CAPZB: variants seen among roughly 807,000 people sequenced by gnomAD.
CAPZB encodes F-actin-capping protein subunit beta.
CAPZB carries 2 observed loss-of-function variants against 38.1 expected under a neutral mutation model. The ratio of observed to expected loss-of-function variants is 0.05; its 90% CI spans 0.02 to 0.17. CAPZB has a LOEUF of 0.17. Ranked by LOEUF, CAPZB falls within the 10% of genes least tolerant of loss-of-function variation. CAPZB has a pLI of 1.00. For missense variants in CAPZB, 161 were observed against 334.2 expected, an observed-to-expected ratio of 0.48 and a Z score of 4.04; for synonymous variants, 107 against 127.4, an observed-to-expected ratio of 0.84 and a Z score of 1.08.
intron 1 of CAPZB, among the ~76,000 whole-genome samples, chr1:19,448,461 A>G (rs1360336194): frequency 6.6e-6 from 1 of 152,262 alleles, no homozygotes; most frequent in East Asian, 1.9e-4. Flanking sequence ...CAAAGCCCAG[A>G]GGTAAAAACT....
chr1:19,368,579 G>A (rs1450486881), intron 4 of CAPZB, among the ~76,000 whole-genome samples: 7 of 150,800 alleles, frequency 4.6e-5, no homozygotes, highest in African/African-American at 9.8e-5. Context: ...GACATGCCCC[G>A]AGCACCCTGT....
chr1:19,427,162 T>C (rs2094425953), intron 1 of CAPZB, among the ~76,000 whole-genome samples: 1 of 152,220 alleles, frequency 6.6e-6, no homozygotes, highest in Non-Finnish European at 1.5e-5. Context: ...AAACCCACTG[T>C]TTTTAATTTC....
intron 8 of CAPZB, among the ~76,000 whole-genome samples, chr1:19,341,936 C>T (rs1341360583): frequency 6.6e-6 from 1 of 152,234 alleles, no homozygotes; most frequent in Non-Finnish European, 1.5e-5. Context: ...GACCTGGGCT[C>T]TGCAGCCCCA....
chr1:19,344,160 C>T (rs778222469), intron 8 of CAPZB, among the ~76,000 whole-genome samples, 198 bp downstream of exon 8: 3 of 152,118 alleles, frequency 2.0e-5, no homozygotes, highest in African/African-American at 7.2e-5. Flanking sequence ...AGATAGGGAC[C>T]GACAGCTGCT....
chr1:19,474,592 A>G (rs2094600502), intron 1 of CAPZB, among the ~76,000 whole-genome samples: 1 of 152,204 alleles, frequency 6.6e-6, no homozygotes, highest in Non-Finnish European at 1.5e-5. Context: ...TTAAAATGAA[A>G]TATCAAACCC....
intron 1 of CAPZB, among the ~76,000 whole-genome samples, chr1:19,455,042 C>G (rs1173522283): frequency 6.6e-6 from 1 of 152,216 alleles, no homozygotes; most frequent in Non-Finnish European, 1.5e-5. Flanking sequence ...TCCAAGCAGC[C>G]AGGATGCGGA....
At chr1:19,453,540 C>G (rs879635268) in intron 1 of CAPZB, among the ~76,000 whole-genome samples, 10 of 152,210 alleles carry the variant, frequency 6.6e-5, no homozygotes, top group Admixed American at 5.2e-4. Context: ...TGACTACAGG[C>G]GTGAGCCACT....
At chr1:19,360,929 G>A (rs1358058160) in intron 4 of CAPZB, among the ~76,000 whole-genome samples, 3 of 152,116 alleles carry the variant, frequency 2.0e-5, no homozygotes, top group Non-Finnish European at 2.9e-5. Context: ...TTTAAAAAAG[G>A]AAATCTGAAA....
intron 8 of CAPZB, among the ~76,000 whole-genome samples, chr1:19,340,636 A>T (rs1399440002): frequency 6.6e-6 from 1 of 152,208 alleles, no homozygotes; most frequent in Non-Finnish European, 1.5e-5. Flanking sequence ...GTTCAAGACC[A>T]GCCTGGGCAA....
chr1:19,449,538 G>A (rs536366325), intron 1 of CAPZB, among the ~76,000 whole-genome samples: 2 of 152,096 alleles, frequency 1.3e-5, no homozygotes, highest in Admixed American at 1.3e-4. Context: ...CTGTAATCTC[G>A]GCACTTTGGG....
intron 6 of CAPZB, among the ~76,000 whole-genome samples, chr1:19,346,468 A>AG (rs1340790461): frequency 4.3e-5 from 6 of 138,918 alleles, no homozygotes; most frequent in East Asian, 1.9e-4. Context: ...AAAAAAAAAA[A>AG]AAAAAAAAAA....
chr1:19,437,092 A>C (rs1311297001), intron 1 of CAPZB, among the ~76,000 whole-genome samples: 1 of 152,252 alleles, frequency 6.6e-6, no homozygotes, highest in African/African-American at 2.4e-5. Context: ...TTCTTTAGGA[A>C]GCCAAATGCT....
chr1:19,400,218 C>T (rs2100347813), intron 2 of CAPZB, among the ~76,000 whole-genome samples: 1 of 152,010 alleles, frequency 6.6e-6, no homozygotes, highest in East Asian at 1.9e-4. Flanking sequence ...CTACCCATGG[C>T]ACAGGTCTTC....
At chr1:19,366,043 T>G (rs2094082718) in intron 4 of CAPZB, among the ~76,000 whole-genome samples, 1 of 135,500 alleles carries the variant, frequency 7.4e-6, no homozygotes. Flanking sequence ...AGCTCCAACA[T>G]GTAAGATTCC....
intron 1 of CAPZB, among the ~76,000 whole-genome samples, chr1:19,447,618 T>C (rs1272621662): frequency 6.6e-6 from 1 of 152,102 alleles, no homozygotes; most frequent in Non-Finnish European, 1.5e-5. Flanking sequence ...CTAAGAGTGT[T>C]GTGTGCATGC....
chr1:19,346,490 G>C (rs2093961698), intron 6 of CAPZB, among the ~76,000 whole-genome samples: 1 of 143,846 alleles, frequency 7.0e-6, no homozygotes, highest in Non-Finnish European at 1.5e-5. Flanking sequence ...AAAGGGTAGA[G>C]TTCAAAATGA....
intron 4 of CAPZB, among the ~76,000 whole-genome samples, chr1:19,358,203 T>C (rs954053042): frequency 6.6e-6 from 1 of 152,244 alleles, no homozygotes; most frequent in African/African-American, 2.4e-5. Flanking sequence ...AGTGGCACCA[T>C]CTCGGCTCAC....
rs1423799599 is a variant in CAPZB, at chr1:19,356,106, C to T, written c.588+529G>A. Among the ~76,000 whole-genome samples the T allele has an allele frequency of 1.3e-5, 2 of 152,128 alleles. No homozygotes were observed. The highest frequency in any genetic ancestry group is 2.9e-5 in the Non-Finnish European group (2 of 68,024). On this transcript the variant is annotated intron_variant, in intron 6 of 8. Coordinates refer to ENST00000264202, the MANE Select transcript of CAPZB (RefSeq NM_004930.5). This position sits in a 1 kb window ranked among gnomAD's most constrained non-coding sequence, Gnocchi z 4.3. The stretch of plus-strand genomic sequence containing the variant: ...CTGAAATTTCAATGTGCACACATTA[C>T]CTGGGCAATTTTGTGAAAACAGAGA...
At chr1:19,452,247 C>G (rs146653945) in intron 1 of CAPZB, among the ~76,000 whole-genome samples, 148 of 152,212 alleles carry the variant, frequency 9.7e-4, no homozygotes, top group Middle Eastern at 3.4e-3. Context: ...ACTGCCACCC[C>G]CTCAGCTCAA....
Sources: allele counts gnomAD v4.1 joint callset (sites outside exome capture counted in the v4.1 genomes callset), GRCh38; gene constraint gnomAD v4.1.1; non-coding constraint Gnocchi (gnomAD v3.1); transcripts MANE v1.5; gene names NCBI Gene and HGNC (gene_info 2026-07-23, HGNC 2026-07-21).